Variants in CNOT2 observed in about 807,000 individuals in gnomAD.
CNOT2 encodes the protein CC chemokine receptor 4-negative regulator of transcription 2.
A neutral mutation model predicts 72.1 loss-of-function variants in CNOT2; 7 were observed. That is an observed-to-expected ratio of 0.10 (90% confidence interval 0.06 to 0.18). The LOEUF (loss-of-function observed/expected upper bound fraction) is 0.18. Ranked by LOEUF, CNOT2 falls within the 10% of genes least tolerant of loss-of-function variation. The pLI is 1.00. For synonymous variants in CNOT2, 196 were observed against 225.6 expected, an observed-to-expected ratio of 0.87 and a Z score of 1.17; for missense variants, 345 against 660.3, an observed-to-expected ratio of 0.52 and a Z score of 5.23.
chr12:70,295,043 A>G (rs1054491933), intron 2 of CNOT2, among the ~76,000 whole-genome samples: 1 of 152,064 alleles, frequency 6.6e-6, no homozygotes, highest in East Asian at 1.9e-4. Context: ...CACAGATTTA[A>G]TTTTGTAGGG....
At chr12:70,300,801 T>G (rs2135912103) in intron 2 of CNOT2, among the ~76,000 whole-genome samples, 1 of 152,330 alleles carries the variant, frequency 6.6e-6, no homozygotes, top group South Asian at 2.1e-4. Context: ...ATCTATAAAT[T>G]ACCTTGGGCA....
At chr12:70,261,846 T>G (rs1958785373) in intron 1 of CNOT2, among the ~76,000 whole-genome samples, 1 of 151,964 alleles carries the variant, frequency 6.6e-6, no homozygotes, top group African/African-American at 2.4e-5. Flanking sequence ...TTTTTTTTTT[T>G]TTTTATGGGA....
intron 1 of CNOT2, among the ~76,000 whole-genome samples, chr12:70,265,978 A>G (rs1025394870): frequency 6.1e-5 from 9 of 148,388 alleles, no homozygotes; most frequent in Non-Finnish European, 5.9e-5. Context: ...GTCAGAAAAT[A>G]TTTGTATGAA....
At chr12:70,306,191 C>T (rs767659692) in intron 2 of CNOT2, among the ~76,000 whole-genome samples, 21 of 152,028 alleles carry the variant, frequency 1.4e-4, no homozygotes, top group Non-Finnish European at 2.8e-4. Context: ...CTCGTGGTGT[C>T]GGCCAGGCTA....
At chr12:70,329,254 TA>T (rs1366280155) in intron 4 of CNOT2, among the ~76,000 whole-genome samples, 168 bp from the exon 5 acceptor site, 1 of 151,994 alleles carries the variant, frequency 6.6e-6, no homozygotes, top group Non-Finnish European at 1.5e-5. Flanking sequence ...GACTGGAACA[TA>T]TTTTTTGTTA....
chr12:70,339,926 G>C (rs1335833276), intron 11 of CNOT2, among the ~76,000 whole-genome samples: 2 of 152,080 alleles, frequency 1.3e-5, no homozygotes, highest in Non-Finnish European at 2.9e-5. Context: ...TGACCCATGC[G>C]TTCTACTTAC....
At chr12:70,304,464 C>A (rs1008037789) in intron 2 of CNOT2, among the ~76,000 whole-genome samples, 1 of 152,182 alleles carries the variant, frequency 6.6e-6, no homozygotes, top group Non-Finnish European at 1.5e-5. Context: ...TGCTGGAGGT[C>A]CACTCCAGAC....
chr12:70,278,043 T>C, intron 1 of CNOT2, 89 bp from the exon 2 acceptor site: 1 of 485,756 alleles, frequency 2.1e-6, no homozygotes, highest in Non-Finnish European at 3.7e-6. Flanking sequence ...TTGTTTTTTG[T>C]TTTCTGTGTA....
chr12:70,308,555 TTCTC>T (rs3049213), intron 2 of CNOT2, among the ~76,000 whole-genome samples: 257 of 134,218 alleles, frequency 1.9e-3, no homozygotes, highest in Non-Finnish European at 2.0e-3. Flanking sequence ...TTGGTATATT[TTCTC>T]TCTCTCTCTC....
At chr12:70,292,240 G>C (rs1872042909) in intron 2 of CNOT2, among the ~76,000 whole-genome samples, 1 of 152,164 alleles carries the variant, frequency 6.6e-6, no homozygotes, top group Non-Finnish European at 1.5e-5. Flanking sequence ...GTGGCTTTCA[G>C]AATGCATAAC....
At chr12:70,346,431 C>T (rs993306930) in intron 15 of CNOT2, 107 bp downstream of exon 15, 16 of 845,442 alleles carry the variant, frequency 1.9e-5, no homozygotes, top group Non-Finnish European at 2.8e-5. Flanking sequence ...TAATGTGCCA[C>T]ATATTTGCCA....
intron 2 of CNOT2, among the ~76,000 whole-genome samples, chr12:70,285,932 G>A (rs1248334659): frequency 6.6e-6 from 1 of 151,908 alleles, no homozygotes; most frequent in African/African-American, 2.4e-5. Context: ...AGTGATTGGA[G>A]CAGCTTAGCT....
At chr12:70,246,297 C>T (rs911214944) in intron 1 of CNOT2, among the ~76,000 whole-genome samples, 6 of 152,116 alleles carry the variant, frequency 3.9e-5, no homozygotes, top group African/African-American at 1.4e-4. Context: ...ATGCCATGTG[C>T]TTGCTTGAAT....
chr12:70,304,610 A>T (rs567245924), intron 2 of CNOT2, among the ~76,000 whole-genome samples: 1 of 152,114 alleles, frequency 6.6e-6, no homozygotes, highest in Non-Finnish European at 1.5e-5. Flanking sequence ...GTCCGCCCCT[A>T]CTGGGGGGTC....
intron 6 of CNOT2, chr12:70,331,025 C>A (rs1393628513): frequency 6.6e-6 from 1 of 151,800 alleles, no homozygotes; most frequent in Non-Finnish European, 1.5e-5. Context: ...ATATACTTTG[C>A]GAATAAGAGG....
intron 2 of CNOT2, among the ~76,000 whole-genome samples, chr12:70,300,538 G>A (rs1352428139): frequency 6.6e-6 from 1 of 152,124 alleles, no homozygotes; most frequent in Non-Finnish European, 1.5e-5. Context: ...GTAGATATGT[G>A]GCGTTATTTC....
chr12:70,278,107 T>C, intron 1 of CNOT2, 25 bp from the exon 2 acceptor site: 2 of 652,128 alleles, frequency 3.1e-6, no homozygotes, highest in Non-Finnish European at 5.5e-6. Flanking sequence ...GTAATTTTGA[T>C]GGCTTTTGGA....
chr12:70,342,286 G>A lies in CNOT2; in HGVS notation c.1269G>A (p.Thr423=). ...TCCATGTTCCATCTGAGTACTTAAC[G>A]AACATTCACATTAGGGATAAGGTGA... ...IDFHVPSEYL[T]NIHIRDKLAA... is the part of the protein sequence containing the mutation. Residue 423 remains threonine (T), a synonymous_variant, in exon 13 of 16, where the codon ACG becomes ACA. Coordinates refer to ENST00000229195, the MANE Select transcript of CNOT2 (RefSeq NM_014515.7). 6.2e-7 allele frequency: 1 copy of A among 1,613,472 alleles called. No individual in the cohort carries two copies. Among genetic ancestry groups the A allele is most frequent in the Non-Finnish European group, 8.5e-7 (1 of 1,179,768 alleles).
intron 15 of CNOT2, chr12:70,348,032 T>A (rs1223772913): frequency 6.6e-6 from 1 of 152,216 alleles, no homozygotes; most frequent in Non-Finnish European, 1.5e-5. Context: ...TGTTTCCTCT[T>A]TTGTAAAATT....
Sources: gnomAD v4.1 joint callset for allele counts (sites outside exome capture counted in the v4.1 genomes callset) on GRCh38, gnomAD v4.1.1 for gene constraint, MANE v1.5 for transcripts, NCBI Gene and HGNC (gene_info 2026-07-23, HGNC 2026-07-21) for gene names.